ENTPD4: variants seen among roughly 807,000 people sequenced by gnomAD.
ENTPD4 encodes the protein Golgi UDPase.
In ENTPD4, 60 loss-of-function variants were observed where a neutral mutation model predicts 79.1. The observed-to-expected ratio is 0.76, with a 90% CI of 0.62 to 0.94. The LOEUF (loss-of-function observed/expected upper bound fraction) is 0.94, where lower values mean the gene tolerates loss of function less well. Ranked by LOEUF, ENTPD4 falls within the 40% of genes least tolerant of loss-of-function variation. The pLI is 0.00. For synonymous variants in ENTPD4, 276 were observed against 292.0 expected, an observed-to-expected ratio of 0.95 and a Z score of 0.56; for missense variants, 772 against 775.1, an observed-to-expected ratio of 1.00 and a Z score of 0.05.
intron 1 of ENTPD4, among the ~76,000 whole-genome samples, chr8:23,451,276 T>G (rs1369134801): frequency 1.3e-5 from 2 of 152,158 alleles, no homozygotes; most frequent in Non-Finnish European, 2.9e-5. Context: ...GGCCTCAGCC[T>G]CCCAAAGTGC....
intron 1 of ENTPD4, among the ~76,000 whole-genome samples, chr8:23,451,252 CCCGGTGAT>C (rs1041566243): frequency 1.3e-4 from 20 of 152,078 alleles, no homozygotes; most frequent in African/African-American, 4.8e-4. Flanking sequence ...GAGCCCCTGA[CCCGGTGAT>C]CTGCCGGCCT....
intron 10 of ENTPD4, among the ~76,000 whole-genome samples, chr8:23,436,218 G>A (rs1352852505): frequency 2.6e-5 from 4 of 152,234 alleles, no homozygotes; most frequent in African/African-American, 7.2e-5. Flanking sequence ...TCTGCGCTTC[G>A]AGATGGGTTT....
At position 23,429,893 on chromosome 8, in the gene ENTPD4, G is replaced by T; in HGVS notation, c.*3033C>A. 5 of 985,484 alleles carry T rather than the reference G, an allele frequency of 5.1e-6. No homozygotes were observed. The highest frequency in any genetic ancestry group is 6.0e-6 in the Non-Finnish European group (5 of 829,948). The allele number at this position is 985,484 out of a possible 1,614,324, so 61.0% of individuals were successfully genotyped here. A position where few individuals can be genotyped will look rare whatever the true frequency, so the allele number is the denominator to read the frequency against. On this transcript the variant is annotated 3_prime_UTR_variant, in exon 13 of 13. Coordinates refer to ENST00000358689, the MANE Select transcript of ENTPD4 (RefSeq NM_004901.5). ...ACTGTAATGTCCCCAGAGGGATTGT[G>T]AAATGTCTGAGAACATCCCCTGGAG...
rs747135999 is a variant in ENTPD4 at position 23,429,653 on chromosome 8, G to C, written c.*3273C>G. 8.1e-5 allele frequency: 80 copies of C among 985,226 alleles called. No individual in the cohort carries two copies. The highest frequency in any genetic ancestry group is 2.3e-4 in the East Asian group (2 of 8,832). The allele number at this position is 985,226 out of a possible 1,614,324, so 61.0% of individuals were successfully genotyped here. A position where few individuals can be genotyped will look rare whatever the true frequency, so the allele number is the denominator to read the frequency against. On this transcript the variant is annotated 3_prime_UTR_variant, in exon 13 of 13. Coordinates refer to ENST00000358689, the MANE Select transcript of ENTPD4 (RefSeq NM_004901.5). ...TAAAATGTAAATATCTGTTTATCCA[G>C]AGTTTGTTAATCTAGAGTACACAGA...
chr8:23,443,637 G>A (rs952306999), intron 6 of ENTPD4, among the ~76,000 whole-genome samples: 6 of 152,216 alleles, frequency 3.9e-5, no homozygotes, highest in African/African-American at 1.4e-4. Context: ...ATGTGGTGAA[G>A]ACAAACGGTT....
Position 23,457,611 on chromosome 8 carries a change from C to T in ENTPD4, c.-152G>A, listed in dbSNP as rs879472423. 173 of 151,936 alleles carry T rather than the reference C, an allele frequency of 1.1e-3. 1 individual carries two copies. The highest frequency in any genetic ancestry group is 1.5e-3 in the Non-Finnish European group (104 of 67,910). The allele number at this position is 151,936 out of a possible 1,614,324, so 9.4% of individuals were successfully genotyped here. On this transcript the variant is annotated 5_prime_UTR_variant, in exon 1 of 13. The change creates a new upstream start codon in the 5' untranslated region. Transcript: ENST00000358689. Reference sequence around the variant, plus strand: ...GGGGGACCACCAGTGGGCAGCATCACGGCCAGCCGGCTTCCTGGAGGCCGC... The same window carrying T: ...GGGGGACCACCAGTGGGCAGCATCATGGCCAGCCGGCTTCCTGGAGGCCGC...
chr8:23,436,850 C>A, intron 10 of ENTPD4, 84 bp downstream of exon 10: 1 of 1,071,716 alleles, frequency 9.3e-7, no homozygotes. Flanking sequence ...CTTTCCCTGT[C>A]AATGTGAAAG....
In ENTPD4 at chr8:23,433,160, C is replaced by T. The variant is rs1001519881; in HGVS notation, c.1623-6G>A. Reference sequence around the variant, plus strand: ...AGGCCTCCTGCTGGATGTCTCTGCCCATGTGAACACCAAACAACAAACAGG... The same window carrying T: ...AGGCCTCCTGCTGGATGTCTCTGCCTATGTGAACACCAAACAACAAACAGG... On this transcript the variant is annotated splice_polypyrimidine_tract_variant and splice_region_variant and intron_variant, in intron 12 of 12. Transcript: ENST00000358689. 3 of 1,613,090 alleles carry T rather than the reference C, an allele frequency of 1.9e-6. No homozygotes were observed. Among genetic ancestry groups the T allele is most frequent in the African/African-American group, 1.3e-5 (1 of 74,900 alleles).
Position 23,442,004 on chromosome 8 carries a change from T to TA in ENTPD4, c.727+2dup. On this transcript the variant is annotated splice_region_variant and intron_variant, in intron 7 of 12. Coordinates refer to ENST00000358689, the MANE Select transcript of ENTPD4 (RefSeq NM_004901.5). Reference sequence around the variant, plus strand: ...ATACATTTGTTGGAACCATGACACTTACCATCTTCAATATGCTCAAATCGT... The same window carrying TA: ...ATACATTTGTTGGAACCATGACACTTAACCATCTTCAATATGCTCAAATCGT... The TA allele has an allele frequency of 6.2e-7, 1 of 1,611,614 alleles. No homozygotes were observed. Among genetic ancestry groups the TA allele is most frequent in the Non-Finnish European group, 8.5e-7 (1 of 1,177,700 alleles).
chr8:23,444,018 G>A, intron 5 of ENTPD4, 65 bp from the exon 6 acceptor site: 10 of 1,119,456 alleles, frequency 8.9e-6, no homozygotes, highest in East Asian at 2.5e-5. Context: ...GTTTAGAAAA[G>A]GAAAAAAATA....
intron 1 of ENTPD4, among the ~76,000 whole-genome samples, chr8:23,452,196 T>C (rs1211269932): frequency 6.6e-6 from 1 of 152,192 alleles, no homozygotes; most frequent in Non-Finnish European, 1.5e-5. Context: ...TCCCCCAGAA[T>C]GGGAGCTCCC....
chr8:23,429,664 T>G lies in ENTPD4; in HGVS notation c.*3262A>C, dbSNP rs370015860. On this transcript the variant is annotated 3_prime_UTR_variant, in exon 13 of 13. Transcript: ENST00000358689. ...TATCTGTTTATCCAGAGTTTGTTAATCTAGAGTACACAGATGTGGAAAACT... is the reference window on the plus strand; with the variant it reads ...TATCTGTTTATCCAGAGTTTGTTAAGCTAGAGTACACAGATGTGGAAAACT... 1 of 985,400 alleles carries G rather than the reference T, an allele frequency of 1.0e-6. No homozygotes were observed. Among genetic ancestry groups the G allele is most frequent in the Non-Finnish European group, 1.2e-6 (1 of 829,894 alleles). 61.0% of individuals were successfully genotyped at this position (985,400 alleles called of 1,614,324 possible).
At chr8:23,452,477 G>C (rs1800882804) in intron 1 of ENTPD4, among the ~76,000 whole-genome samples, 1 of 152,152 alleles carries the variant, frequency 6.6e-6, no homozygotes, top group Non-Finnish European at 1.5e-5. Flanking sequence ...GCAGCCACTT[G>C]CCATGTGTGG....
chr8:23,441,731 G>A lies in ENTPD4; in HGVS notation c.728-8C>T. On this transcript the variant is annotated splice_polypyrimidine_tract_variant and splice_region_variant and intron_variant, in intron 7 of 12. Coordinates refer to ENST00000358689, the MANE Select transcript of ENTPD4 (RefSeq NM_004901.5). ...CCACAACGGCCTCATCATCTAGAAAGAACAGAAAGTGTTCACTGGAACAGA... is the reference window on the plus strand; with the variant it reads ...CCACAACGGCCTCATCATCTAGAAAAAACAGAAAGTGTTCACTGGAACAGA... 6.2e-7 allele frequency: 1 copy of A among 1,613,444 alleles called. No individual in the cohort carries two copies. Among genetic ancestry groups the A allele is most frequent in the Non-Finnish European group, 8.5e-7 (1 of 1,179,832 alleles).
chr8:23,432,907 C>G lies in ENTPD4; in HGVS notation c.*19G>C. 1 of 1,558,532 alleles carries G rather than the reference C, an allele frequency of 6.4e-7. No homozygotes were observed. Among genetic ancestry groups the G allele is most frequent in the Non-Finnish European group, 8.7e-7 (1 of 1,149,198 alleles). On this transcript the variant is annotated 3_prime_UTR_variant, in exon 13 of 13. Coordinates refer to ENST00000358689, the MANE Select transcript of ENTPD4 (RefSeq NM_004901.5). ...AAAATGGCTTTTCCTTTTGAGTCTT[C>G]GTGGAGCTGTGAGCTGGATCACAAG...
At position 23,457,599 on chromosome 8, in the gene ENTPD4, T is replaced by C. The variant is rs1426347646; in HGVS notation, c.-140A>G. 3 of 151,626 alleles carry C rather than the reference T, an allele frequency of 2.0e-5. No homozygotes were observed. The highest frequency in any genetic ancestry group is 4.1e-4 in the South Asian group (2 of 4,824). 9.4% of individuals were successfully genotyped at this position (151,626 alleles called of 1,614,324 possible). ...GACCCCGGGAGCGGGGGACCACCAG[T>C]GGGCAGCATCACGGCCAGCCGGCTT... On this transcript the variant is annotated 5_prime_UTR_variant, in exon 1 of 13. Coordinates refer to ENST00000358689, the MANE Select transcript of ENTPD4 (RefSeq NM_004901.5).
Position 23,448,776 on chromosome 8 carries a change from A to G in ENTPD4, c.172T>C (p.Tyr58His). Residue 58 changes from tyrosine to histidine, a missense_variant, in exon 3 of 13, where the codon TAT becomes CAT. Transcript: ENST00000358689. ...YFSVVIIRNK[Y>H]GRLTRDKKFQ... ...TTCTTGTCTCTGGTTAGTCGCCCAT[A>G]CTTATTTCGGATTATGACAACAGAA... 6.2e-7 allele frequency: 1 copy of G among 1,614,166 alleles called. No individual in the cohort carries two copies. The highest frequency in any genetic ancestry group is 2.2e-5 in the East Asian group (1 of 44,878).
intron 1 of ENTPD4, among the ~76,000 whole-genome samples, chr8:23,451,056 T>C (rs1800852193): frequency 6.6e-6 from 1 of 151,400 alleles, no homozygotes; most frequent in Admixed American, 6.6e-5. Flanking sequence ...AGTCTTGCTC[T>C]TGTCGCCCAG....
At position 23,447,852 on chromosome 8, in the gene ENTPD4, T is replaced by C. The variant is rs1800788956; in HGVS notation, c.240A>G (p.Thr80=). 2 of 1,614,246 alleles carry C rather than the reference T, an allele frequency of 1.2e-6. No individual in the cohort carries two copies. Among genetic ancestry groups the C allele is most frequent in the South Asian group, 1.1e-5 (1 of 91,088 alleles). Residue 80 remains threonine, a synonymous_variant, in exon 4 of 13, where the codon ACA becomes ACG. Coordinates refer to ENST00000358689, the MANE Select transcript of ENTPD4 (RefSeq NM_004901.5). ...YLARVTDIEA[T]DTNNPNVNYG... Reference sequence around the variant, plus strand: ...AGTTCACATTGGGGTTATTGGTGTCTGTAGCTTCAATGTCGGTAACTCGTG... The same window carrying C: ...AGTTCACATTGGGGTTATTGGTGTCCGTAGCTTCAATGTCGGTAACTCGTG...
Sources: allele counts gnomAD v4.1 joint callset (sites outside exome capture counted in the v4.1 genomes callset), GRCh38; gene constraint gnomAD v4.1.1; transcripts MANE v1.5; gene names NCBI Gene and HGNC (gene_info 2026-07-23, HGNC 2026-07-21).